PINX1: variants seen among roughly 807,000 people sequenced by gnomAD.
PINX1 encodes the protein PIN2/TERF1-interacting telomerase inhibitor 1.
PINX1 carries 34 observed loss-of-function variants against 25.4 expected under a neutral mutation model. The ratio of observed to expected loss-of-function variants is 1.34; its 90% CI spans 1.02 to 1.78. The LOEUF (loss-of-function observed/expected upper bound fraction) is 1.78. Ranked by LOEUF, PINX1 falls within the 40% of genes most tolerant of loss-of-function variation. The pLI, the probability that PINX1 is intolerant of heterozygous loss-of-function variation, is 0.00. For missense variants in PINX1, 592 were observed against 404.9 expected, an observed-to-expected ratio of 1.46 and a Z score of -3.97; for synonymous variants, 197 against 147.7, an observed-to-expected ratio of 1.33 and a Z score of -2.42.
chr8:10,785,303 T>C (rs962172752), intron 6 of PINX1, among the ~76,000 whole-genome samples: 17 of 152,350 alleles, frequency 1.1e-4, no homozygotes, highest in South Asian at 4.1e-4. Context: ...TATGGAAGGA[T>C]TGGCGTAGCA....
chr8:10,808,194 T>G (rs1222933729), intron 6 of PINX1, among the ~76,000 whole-genome samples: 1 of 152,222 alleles, frequency 6.6e-6, no homozygotes, highest in African/African-American at 2.4e-5. Flanking sequence ...AATCAGTAGT[T>G]TGAGTGGTGT....
chr8:10,768,396 T>C (rs928836422), intron 6 of PINX1, among the ~76,000 whole-genome samples: 2 of 152,244 alleles, frequency 1.3e-5, no homozygotes, highest in East Asian at 1.9e-4. Context: ...TTTTTTATTA[T>C]CAGGAAATAC....
chr8:10,772,048 G>A (rs957734336), intron 6 of PINX1, among the ~76,000 whole-genome samples: 6 of 152,218 alleles, frequency 3.9e-5, no homozygotes, highest in Admixed American at 1.3e-4. Context: ...GTACTGTGTG[G>A]TATGGGAACT....
Position 10,788,900 on chromosome 8 carries a change from G to C in PINX1, c.472-22984C>G, listed in dbSNP as rs562133078. 8.0e-5 allele frequency among the ~76,000 whole-genome samples: 12 copies of C among 149,238 alleles called. No individual in the cohort carries two copies. The South Asian group carries it at 2.5e-3, about 32-fold the overall frequency. On this transcript the variant is annotated intron_variant, in intron 6 of 6. Transcript: ENST00000314787. Reference sequence around the variant, plus strand: ...TAGAACAGGGTTTTTCCCTGAAAGAGTCACAATTCCTCTCCCTGGCAAAAC... The same window carrying C: ...TAGAACAGGGTTTTTCCCTGAAAGACTCACAATTCCTCTCCCTGGCAAAAC...
Position 10,818,798 on chromosome 8 carries a change from G to A in PINX1, c.471+1395C>T, listed in dbSNP as rs751091461. ...GCAAAGGAGATGGAGTTCAAGAGGCGCGGGACTGGAATTCTAGTTCTTCCT... is the reference window on the plus strand; with the variant it reads ...GCAAAGGAGATGGAGTTCAAGAGGCACGGGACTGGAATTCTAGTTCTTCCT... On this transcript the variant is annotated intron_variant, in intron 6 of 6. Coordinates refer to ENST00000314787, the MANE Select transcript of PINX1 (RefSeq NM_017884.6). Among the ~76,000 whole-genome samples, 8 of 152,184 alleles carry A rather than the reference G, an allele frequency of 5.3e-5. No homozygotes were observed. In the East Asian group the frequency reaches 5.8e-4, roughly 11 times the overall value.
chr8:10,780,545 G>A (rs1462089579), intron 6 of PINX1, among the ~76,000 whole-genome samples: 2 of 151,620 alleles, frequency 1.3e-5, no homozygotes, highest in African/African-American at 2.4e-5. Context: ...TGCACGCCAA[G>A]GATAAATCCC....
chr8:10,820,497 T>TG (rs1234527849), intron 5 of PINX1, among the ~76,000 whole-genome samples: 1 of 152,208 alleles, frequency 6.6e-6, no homozygotes, highest in African/African-American at 2.4e-5. Flanking sequence ...CTCTTGACAT[T>TG]CTCTTAATTG....
At chr8:10,790,614 C>G (rs1209766908) in intron 6 of PINX1, among the ~76,000 whole-genome samples, 1 of 152,172 alleles carries the variant, frequency 6.6e-6, no homozygotes, top group Non-Finnish European at 1.5e-5. Flanking sequence ...CTCCACCAAG[C>G]TGCCCCTTTC....
chr8:10,788,329 A>T (rs985446315), intron 6 of PINX1, among the ~76,000 whole-genome samples: 2 of 152,212 alleles, frequency 1.3e-5, no homozygotes, highest in African/African-American at 4.8e-5. Flanking sequence ...TGGGAGGCCA[A>T]GGCAGGCAGA....
At chr8:10,825,110 C>G (rs995730061) in intron 5 of PINX1, among the ~76,000 whole-genome samples, 1 of 152,192 alleles carries the variant, frequency 6.6e-6, no homozygotes, top group African/African-American at 2.4e-5. Context: ...TCAGCTCTGC[C>G]ACGGCCTCTC....
chr8:10,773,237 C>T (rs747774321), intron 6 of PINX1, among the ~76,000 whole-genome samples: 13 of 152,090 alleles, frequency 8.5e-5, no homozygotes, highest in Non-Finnish European at 1.8e-4. Flanking sequence ...CACACATGTA[C>T]ATATATACAC....
At chr8:10,832,533 A>G (rs963627811) in intron 3 of PINX1, among the ~76,000 whole-genome samples, 1 of 152,254 alleles carries the variant, frequency 6.6e-6, no homozygotes, top group South Asian at 2.1e-4. Context: ...GTGGCTAAAA[A>G]TTTTAGCTCC....
chr8:10,836,652 A>G (rs1421825981), intron 1 of PINX1, among the ~76,000 whole-genome samples: 1 of 139,900 alleles, frequency 7.1e-6, no homozygotes, highest in African/African-American at 2.6e-5. Context: ...GCTTCAATCA[A>G]TGGGATCACA....
chr8:10,777,826 G>A (rs569801515), intron 6 of PINX1, among the ~76,000 whole-genome samples: 6 of 152,300 alleles, frequency 3.9e-5, no homozygotes, highest in African/African-American at 1.2e-4. Flanking sequence ...TCCTGGGCAC[G>A]TAGCACAGGA....
chr8:10,801,754 G>A (rs1802269929), intron 6 of PINX1, among the ~76,000 whole-genome samples: 1 of 152,134 alleles, frequency 6.6e-6, no homozygotes, highest in African/African-American at 2.4e-5. Context: ...AGAATTTGTG[G>A]TATCATTCTA....
intron 6 of PINX1, among the ~76,000 whole-genome samples, chr8:10,798,161 C>G (rs1051983216): frequency 1.1e-4 from 16 of 152,356 alleles, no homozygotes; most frequent in African/African-American, 3.8e-4. Flanking sequence ...GAATAAACTG[C>G]TCAGCCAACA....
chr8:10,833,561 G>C (rs1344661620), intron 2 of PINX1: 1 of 150,258 alleles, frequency 6.7e-6, no homozygotes, highest in East Asian at 1.9e-4. Context: ...CGACTGGGGT[G>C]CGGGAGGCTG....
intron 6 of PINX1, among the ~76,000 whole-genome samples, chr8:10,786,216 G>C (rs1801742979): frequency 6.6e-6 from 1 of 152,168 alleles, no homozygotes; most frequent in African/African-American, 2.4e-5. Context: ...CATTTTAGGT[G>C]AATTTCTTGG....
At chr8:10,806,371 A>C (rs1373748479) in intron 6 of PINX1, among the ~76,000 whole-genome samples, 1 of 152,170 alleles carries the variant, frequency 6.6e-6, no homozygotes, top group Admixed American at 6.5e-5. Context: ...ACAACTCATA[A>C]GGAAGTAAAT....
Sources: allele counts gnomAD v4.1 joint callset (sites outside exome capture counted in the v4.1 genomes callset), GRCh38; gene constraint gnomAD v4.1.1; transcripts MANE v1.5; gene names NCBI Gene and HGNC (gene_info 2026-07-23, HGNC 2026-07-21).